Variants in PMPCB observed in about 807,000 individuals in gnomAD.
PMPCB encodes the protein mitochondrial-processing peptidase subunit beta.
Under a neutral mutation model 61.5 loss-of-function variants are expected in PMPCB, and 46 were observed. That is an observed-to-expected ratio of 0.75 (90% CI 0.59 to 0.96). The LOEUF is 0.96. Ranked by LOEUF, PMPCB falls within the 40% of genes least tolerant of loss-of-function variation. PMPCB has a pLI of 0.00. For missense variants in PMPCB, 590 were observed against 602.4 expected (o/e 0.98, Z 0.22); for synonymous variants, 191 against 201.6 (o/e 0.95, Z 0.44).
At chr7:103,346,375 C>T in the PMPCB span, among the ~76,000 whole-genome samples, 2 of 152,144 alleles carry the variant, frequency 1.3e-5, no homozygotes, top group Non-Finnish European at 2.9e-5. Context: ...TCATGATCTG[C>T]CTGCTTCAGC....
rs199799821 is a variant in PMPCB, at chr7:103,303,022, G to C, written c.458-820G>C. ...TTTTGGAGAGGTATGCGCTTTTTCTGATAAAATTGCTTAATGGCCTAATAT... is the reference window on the plus strand; with the variant it reads ...TTTTGGAGAGGTATGCGCTTTTTCTCATAAAATTGCTTAATGGCCTAATAT... On this transcript the variant is annotated intron_variant, in intron 4 of 12. Coordinates refer to ENST00000249269, the MANE Select transcript of PMPCB (RefSeq NM_004279.3). Among the ~76,000 whole-genome samples, 7 of 152,050 alleles carry C rather than the reference G, an allele frequency of 4.6e-5. No homozygotes were observed. The East Asian group carries it at 1.2e-3, about 25-fold the overall frequency.
At chr7:103,326,213 G>A (rs1818698133) in intron 12 of PMPCB, among the ~76,000 whole-genome samples, 2 of 152,114 alleles carry the variant, frequency 1.3e-5, no homozygotes, top group East Asian at 3.8e-4. Context: ...CCTGACCTCA[G>A]GTGATCCGTC....
rs900291733 is a variant in PMPCB, at chr7:103,299,458, G to T, written c.256G>T (p.Asp86Tyr). 3.7e-6 allele frequency: 6 copies of T among 1,606,988 alleles called. No individual in the cohort carries two copies. The highest frequency in any genetic ancestry group is 5.1e-6 in the Non-Finnish European group (6 of 1,174,042). The change falls in exon 3 of 13, where the codon GAT becomes TAT. Residue 86 changes from aspartate to tyrosine, a missense_variant. Asp to Tyr is a radical substitution (Grantham distance 160). Coordinates refer to ENST00000249269, the MANE Select transcript of PMPCB (RefSeq NM_004279.3). ...TTGCATTAAGGTTGGACTCTGGATT[G>T]ATGCTGGAAGTAGATACGAAAATGA... The part of the protein sequence containing the change: ...LSTCTVGLWI[D>Y]AGSRYENEKN...
At chr7:103,314,740 CTG>C (rs1186008884), downstream of PMPCB, 17 of 701,914 alleles carry the variant, frequency 2.4e-5, no homozygotes, top group Non-Finnish European at 2.8e-5. Context: ...TATATTAACA[CTG>C]TAAGTCTCAT....
At chr7:103,347,181 G>A in the PMPCB span, among the ~76,000 whole-genome samples, 1 of 152,076 alleles carries the variant, frequency 6.6e-6, no homozygotes, top group Non-Finnish European at 1.5e-5. Flanking sequence ...TGGACCCAAG[G>A]GTCATCCTTT....
rs766870435 is a variant in PMPCB at position 103,313,080 on chromosome 7, G to A, written c.*809G>A. The A allele has an allele frequency of 2.5e-6, 4 of 1,613,550 alleles. No homozygotes were observed. The African/African-American group carries it at 4.0e-5, about 16-fold the overall frequency. ...AAGCTTCTGTTCTTCTGTTGTCCAA[G>A]GGGTGAAGTCTGTATATGGACCTGA... On this transcript the variant is annotated 3_prime_UTR_variant, in exon 13 of 13. Coordinates refer to ENST00000249269, the MANE Select transcript of PMPCB (RefSeq NM_004279.3).
At chr7:103,301,610 A>C (rs1817453115) in intron 4 of PMPCB, among the ~76,000 whole-genome samples, 2 of 152,150 alleles carry the variant, frequency 1.3e-5, no homozygotes, top group African/African-American at 4.8e-5. Context: ...TGCTAGTGGG[A>C]GTGGAAAAAC....
the PMPCB span, chr7:103,347,533 C>G: frequency 1.6e-6 from 1 of 625,852 alleles, no homozygotes; most frequent in South Asian, 1.9e-5. Context: ...GGTAATCAGT[C>G]CAAAAACCAG....
intron 6 of PMPCB, among the ~76,000 whole-genome samples, chr7:103,305,805 G>A (rs1449385623): frequency 6.6e-6 from 1 of 152,162 alleles, no homozygotes; most frequent in Non-Finnish European, 1.5e-5. Context: ...GAGTAACATT[G>A]TTTCTAAATT....
chr7:103,312,123 CT>C lies in PMPCB; in HGVS notation c.1398del (p.Ala467LeufsTer32). 1 of 1,614,066 alleles carries C rather than the reference CT, an allele frequency of 6.2e-7. No individual in the cohort carries two copies. The highest frequency in any genetic ancestry group is 8.5e-7 in the Non-Finnish European group (1 of 1,179,966). ...ATTTATAATAGGAGTCCAGCTATTG[CT>C]GCTGTTGGTAAGCCTGGCTTCTTTT... Reference protein sequence around the residue: ...KYIYNRSPAIAAVGPIKQLPD... With the variant: ...KYIYNRSPAIXAVGPIKQLPD... On this transcript the variant is annotated frameshift_variant, in exon 12 of 13. Coordinates refer to ENST00000249269, the MANE Select transcript of PMPCB (RefSeq NM_004279.3). LOFTEE classifies it high-confidence loss of function.
At chr7:103,298,787 C>A in intron 2 of PMPCB, 79 bp downstream of exon 2, 1 of 1,383,764 alleles carries the variant, frequency 7.2e-7, no homozygotes, top group Non-Finnish European at 9.9e-7. Context: ...TTAGCTTTTT[C>A]GTTGGCTGGT....
rs559249453 is a variant in PMPCB at position 103,298,004 on chromosome 7, T to G, written c.99+446T>G. On this transcript the variant is annotated intron_variant, in intron 1 of 12. Coordinates refer to ENST00000249269, the MANE Select transcript of PMPCB (RefSeq NM_004279.3). ...TTTCTCATGAGAGAGCCTCTGACTTTAAGCAAAGGGATGTGAGACTTTTGT... is the reference window on the plus strand; with the variant it reads ...TTTCTCATGAGAGAGCCTCTGACTTGAAGCAAAGGGATGTGAGACTTTTGT... The G allele has an allele frequency of 2.8e-5, 29 of 1,040,088 alleles. No homozygotes were observed. In the African/African-American group the frequency reaches 4.7e-4, roughly 17 times the overall value. 64.4% of individuals were successfully genotyped at this position (1,040,088 alleles called of 1,614,324 possible).
At chr7:103,300,156 G>C in intron 3 of PMPCB, 22 bp from the exon 4 acceptor site, 1 of 1,602,496 alleles carries the variant, frequency 6.2e-7, no homozygotes, top group Non-Finnish European at 8.5e-7. Flanking sequence ...TGCATAATTT[G>C]TTTTTCCTCT....
chr7:103,333,184 TA>T (rs1411961764), downstream of PMPCB, among the ~76,000 whole-genome samples: 2 of 152,220 alleles, frequency 1.3e-5, no homozygotes, highest in Non-Finnish European at 2.9e-5. Flanking sequence ...ATTCTTCTTA[TA>T]AAACCCAGTT....
downstream of PMPCB, among the ~76,000 whole-genome samples, chr7:103,330,826 C>T (rs139193540): frequency 0.052 from 7,921 of 151,970 alleles, 287 homozygotes; most frequent in South Asian, 0.14. Flanking sequence ...AAGCGATCCT[C>T]CCACCCTGGC....
chr7:103,317,912 A>T (rs1183760162), downstream of PMPCB, among the ~76,000 whole-genome samples: 2 of 152,142 alleles, frequency 1.3e-5, no homozygotes, highest in Non-Finnish European at 2.9e-5. Flanking sequence ...TGGCCTCCCA[A>T]AGTGCTCGGA....
At chr7:103,335,143 C>T in the PMPCB span, 16 of 152,236 alleles carry the variant, frequency 1.1e-4, no homozygotes, top group African/African-American at 3.6e-4. Context: ...TCCTACTTCA[C>T]ACTTAATTAA....
chr7:103,309,048 G>A lies in PMPCB; in HGVS notation c.946G>A (p.Ala316Thr). 1.2e-6 allele frequency: 2 copies of A among 1,606,542 alleles called. No homozygotes were observed. The highest frequency in any genetic ancestry group is 4.5e-5 in the East Asian group (2 of 44,332). Residue 316 changes from alanine (A) to threonine (T), a missense_variant, in exon 8 of 13, where the codon GCA (alanine) becomes ACA (threonine). Ala to Thr is a moderately conservative substitution (Grantham distance 58). Coordinates refer to ENST00000249269, the MANE Select transcript of PMPCB (RefSeq NM_004279.3). ...AHPDTICLMVANTLIGNWDRS... is the reference protein window; with the variant it reads ...AHPDTICLMVTNTLIGNWDRS... ...TCCAGATACAATCTGTCTCATGGTT[G>A]CAAACACGCTGATTGGCAACTGGGA...
chr7:103,341,909 G>C, the PMPCB span: 1 of 1,611,320 alleles, frequency 6.2e-7, no homozygotes, highest in Non-Finnish European at 8.5e-7. Flanking sequence ...CTTAACAAAA[G>C]CTTCAAACCA....
Sources: allele counts gnomAD v4.1 joint callset (sites outside exome capture counted in the v4.1 genomes callset), GRCh38; gene constraint gnomAD v4.1.1; transcripts MANE v1.5; gene names NCBI Gene and HGNC (gene_info 2026-07-23, HGNC 2026-07-21).